Variants in AKAP11 observed in about 807,000 individuals in gnomAD.
AKAP11 encodes the protein A-kinase anchor protein 11.
Under a neutral mutation model 146.1 loss-of-function variants are expected in AKAP11, and 36 were observed. The observed-to-expected ratio is 0.25, with a 90% CI of 0.19 to 0.33. The LOEUF (loss-of-function observed/expected upper bound fraction) is 0.33, where lower values mean the gene tolerates loss of function less well. Among genes scored for constraint, AKAP11 ranks in the 10% least tolerant of loss-of-function variants. The pLI, the probability that AKAP11 is intolerant of heterozygous loss-of-function variation, is 1.00. For missense variants in AKAP11, 2,201 were observed against 2,197.0 expected, an observed-to-expected ratio of 1.00 and a Z score of -0.04; for synonymous variants, 780 against 786.5, an observed-to-expected ratio of 0.99 and a Z score of 0.14.
At position 42,301,795 on chromosome 13, in the gene AKAP11, G is replaced by A. The variant is rs747261164; in HGVS notation, c.3049G>A (p.Gly1017Arg). 3 of 1,614,084 alleles carry A rather than the reference G, an allele frequency of 1.9e-6. No homozygotes were observed. The highest frequency in any genetic ancestry group is 2.5e-6 in the Non-Finnish European group (3 of 1,179,984). The change falls in exon 8 of 13, where the codon GGA becomes AGA. Residue 1017 changes from glycine (G) to arginine (R), a missense_variant. Physicochemically the swap from Gly to Arg is moderately radical, Grantham distance 125 (BLOSUM62 -2). Around this residue, in one of 3 missense-constraint regions of AKAP11, gnomAD observed 1,867 missense variants for 1,833.5 expected, o/e 1.02. Transcript: ENST00000025301. Reference sequence around the variant, plus strand: ...AGAATGTAAAGTTTCTATGGTTCATGGATCCTCCCTAGAGACACTGCCATC... The same window carrying A: ...AGAATGTAAAGTTTCTATGGTTCATAGATCCTCCCTAGAGACACTGCCATC... Reference protein sequence around the residue: ...VPECKVSMVHGSSLETLPSCP... With the variant: ...VPECKVSMVHRSSLETLPSCP...
Position 42,302,396 on chromosome 13 carries a change from A to G in AKAP11, c.3650A>G (p.His1217Arg), listed in dbSNP as rs750571082. ...CTTGCAACTGAAATGGCAGCTTCCC[A>G]TTTAGATAACAAAATAATTCAAGAA... ...LSLATEMAAS[H>R]LDNKIIQEPK... Residue 1217 changes from histidine (H) to arginine (R), a missense_variant, in exon 8 of 13, where the codon CAT becomes CGT. This residue lies in a region of AKAP11 where 1,867 missense variants were observed against 1,833.5 expected (regional missense o/e 1.02). Coordinates refer to ENST00000025301, the MANE Select transcript of AKAP11 (RefSeq NM_016248.4). 20 of 1,614,024 alleles carry G rather than the reference A, an allele frequency of 1.2e-5. No homozygotes were observed. The highest frequency in any genetic ancestry group is 6.7e-5 in the Admixed American group (4 of 59,984).
upstream of AKAP11, among the ~76,000 whole-genome samples, chr13:42,271,518 G>A (rs533720145): frequency 2.0e-5 from 3 of 152,336 alleles, no homozygotes; most frequent in South Asian, 2.1e-4. Flanking sequence ...CCTTCCTTGG[G>A]CCTTCGGATC....
At chr13:42,282,269 T>TC in intron 1 of AKAP11, among the ~76,000 whole-genome samples, 1 of 150,414 alleles carries the variant, frequency 6.6e-6, no homozygotes, top group East Asian at 1.9e-4. Flanking sequence ...TCTTTTTTTT[T>TC]TTTTTTTTTT....
intron 5 of AKAP11, among the ~76,000 whole-genome samples, chr13:42,296,529 CAAG>C (rs1453832184): frequency 2.0e-5 from 3 of 151,842 alleles, no homozygotes; most frequent in Admixed American, 1.3e-4. Flanking sequence ...AAAGGGCAAA[CAAG>C]AAGAAGAAAT....
chr13:42,279,290 C>G (rs1959005562), intron 1 of AKAP11, among the ~76,000 whole-genome samples: 1 of 151,494 alleles, frequency 6.6e-6, no homozygotes. Flanking sequence ...CACTCTCTCT[C>G]TCTCACTCAC....
intron 5 of AKAP11, among the ~76,000 whole-genome samples, chr13:42,296,430 T>TA (rs1407453012): frequency 3.3e-5 from 5 of 152,138 alleles, no homozygotes. Flanking sequence ...CTTTAAGAGT[T>TA]ACTGATAAAA....
Position 42,303,574 on chromosome 13 carries a change from G to T in AKAP11, c.4828G>T (p.Gly1610Cys), listed in dbSNP as rs769289423. The T allele has an allele frequency of 2.0e-5, 32 of 1,613,994 alleles. No individual in the cohort carries two copies. The highest frequency in any genetic ancestry group is 2.7e-5 in the Non-Finnish European group (32 of 1,180,026). Residue 1610 changes from glycine (G) to cysteine (C), a missense_variant, in exon 8 of 13, where the codon GGT (glycine) becomes TGT (cysteine). By Grantham distance (159) the Gly-to-Cys change is radical. Coordinates refer to ENST00000025301, the MANE Select transcript of AKAP11 (RefSeq NM_016248.4). ...GNSSQHFFRQ[G>C]SLASSKPASN... Reference sequence around the variant, plus strand: ...TTCATCTCAGCACTTTTTCAGACAGGGTTCTCTCGCCAGTAGTAAGCCAGC... The same window carrying T: ...TTCATCTCAGCACTTTTTCAGACAGTGTTCTCTCGCCAGTAGTAAGCCAGC...
intron 9 of AKAP11, among the ~76,000 whole-genome samples, chr13:42,309,556 G>T (rs1261634808): frequency 6.6e-6 from 1 of 152,148 alleles, no homozygotes; most frequent in African/African-American, 2.4e-5. Flanking sequence ...GAAGAGTTTT[G>T]TTCGATGCTT....
intron 3 of AKAP11, among the ~76,000 whole-genome samples, chr13:42,292,151 GT>G (rs1374642676): frequency 6.6e-6 from 1 of 152,208 alleles, no homozygotes; most frequent in Non-Finnish European, 1.5e-5. Flanking sequence ...CTTCTAGTGA[GT>G]TGAATGCCCA....
chr13:42,278,975 A>T, intron 1 of AKAP11, among the ~76,000 whole-genome samples: 1 of 147,404 alleles, frequency 6.8e-6, no homozygotes, highest in African/African-American at 2.5e-5. Context: ...ATAGTGCTCC[A>T]TTGTCTTGTT....
chr13:42,323,037 T>C lies in AKAP11; in HGVS notation c.*3809T>C, dbSNP rs1000705423. 2 of 152,796 alleles carry C rather than the reference T, an allele frequency of 1.3e-5. No individual in the cohort carries two copies. The highest frequency in any genetic ancestry group is 4.8e-5 in the African/African-American group (2 of 41,464). The allele number at this position is 152,796 out of a possible 1,614,324, so 9.5% of individuals were successfully genotyped here. A position where few individuals can be genotyped will look rare whatever the true frequency, so the allele number is the denominator to read the frequency against. ...GCTCAGTTACTATATTAAGATCTTG[T>C]ACTGTGTAACAGTAACTCTTTTTTG... On this transcript the variant is annotated 3_prime_UTR_variant, in exon 13 of 13. Transcript: ENST00000025301.
At chr13:42,272,728 C>A (rs1958807277) in intron 1 of AKAP11, among the ~76,000 whole-genome samples, 1 of 152,136 alleles carries the variant, frequency 6.6e-6, no homozygotes. Context: ...CTGCTCAGAT[C>A]TTGTAAACGG....
chr13:42,305,467 A>C (rs9525606), intron 8 of AKAP11, among the ~76,000 whole-genome samples: 12 of 152,240 alleles, frequency 7.9e-5, no homozygotes, highest in Admixed American at 7.2e-4. Context: ...CTGTGGGCCA[A>C]TGTGGCCTAC....
intron 9 of AKAP11, among the ~76,000 whole-genome samples, chr13:42,309,989 C>T (rs1306475960): frequency 6.6e-6 from 1 of 152,068 alleles, no homozygotes; most frequent in African/African-American, 2.4e-5. Flanking sequence ...GTTCTGTCCT[C>T]CTTAGCATTA....
intron 11 of AKAP11, among the ~76,000 whole-genome samples, chr13:42,314,828 A>G (rs1240243328): frequency 6.6e-6 from 1 of 152,160 alleles, no homozygotes; most frequent in Non-Finnish European, 1.5e-5. Context: ...AAGTATGTCA[A>G]TACTAGATAT....
intron 12 of AKAP11, among the ~76,000 whole-genome samples, chr13:42,318,476 A>T (rs1271527903): frequency 6.6e-6 from 1 of 152,246 alleles, no homozygotes; most frequent in Non-Finnish European, 1.5e-5. Flanking sequence ...TTCAAAACTT[A>T]AGAGCTTTTA....
chr13:42,300,089 G>C lies in AKAP11; in HGVS notation c.1343G>C (p.Ser448Thr), dbSNP rs764139062. 3.1e-6 allele frequency: 5 copies of C among 1,613,776 alleles called. No homozygotes were observed. In the African/African-American group the frequency reaches 6.7e-5, roughly 22 times the overall value. Residue 448 changes from serine (S) to threonine (T), a missense_variant, in exon 8 of 13, where the codon AGT (serine) becomes ACT (threonine). Transcript: ENST00000025301. ...TCAAGGGAAGATAGTGGTTTATTTA[G>C]TCCTATTCGATCCTCTGCTTTTAGT... Reference protein sequence around the residue: ...KASREDSGLFSPIRSSAFSPL... With the variant: ...KASREDSGLFTPIRSSAFSPL...
intron 1 of AKAP11, among the ~76,000 whole-genome samples, chr13:42,278,956 A>G (rs1166192692): frequency 1.3e-5 from 2 of 149,302 alleles, no homozygotes; most frequent in East Asian, 2.0e-4. Context: ...TCTTCTTAGT[A>G]CTTTGAAGAT....
At chr13:42,319,048 A>T in intron 12 of AKAP11, 40 bp from the exon 13 acceptor site, 1 of 1,581,946 alleles carries the variant, frequency 6.3e-7, no homozygotes, top group Non-Finnish European at 8.6e-7. Flanking sequence ...TTGTTATAAA[A>T]TTGTTTTTGG....
Sources: allele counts gnomAD v4.1 joint callset (sites outside exome capture counted in the v4.1 genomes callset), GRCh38; gene constraint gnomAD v4.1.1; regional missense constraint gnomAD v4.1.1; transcripts MANE v1.5; gene names NCBI Gene and HGNC (gene_info 2026-07-23, HGNC 2026-07-21).